Variants in TECR observed in about 807,000 individuals in gnomAD.
TECR encodes trans-2,3-enoyl-CoA reductase, also known as very-long-chain enoyl-CoA reductase.
TECR carries 19 observed loss-of-function variants against 50.6 expected under a neutral mutation model. That is an observed-to-expected ratio of 0.38 (90% CI 0.26 to 0.55). The LOEUF is 0.55. TECR is among the 20% of genes least tolerant of loss of function. The pLI, the probability that TECR is intolerant of heterozygous loss-of-function variation, is 0.79. For missense variants in TECR, 313 were observed against 408.3 expected, an observed-to-expected ratio of 0.77 and a Z score of 2.01; for synonymous variants, 168 against 163.5, an observed-to-expected ratio of 1.03 and a Z score of -0.21.
intron 1 of TECR, among the ~76,000 whole-genome samples, chr19:14,551,712 G>C (rs931697883): frequency 2.0e-5 from 3 of 152,068 alleles, no homozygotes; most frequent in African/African-American, 7.2e-5. Context: ...CTGGCTGTGT[G>C]AGGCTGTGGG....
chr19:14,541,012 G>A (rs1356065585), intron 1 of TECR, among the ~76,000 whole-genome samples: 1 of 152,086 alleles, frequency 6.6e-6, no homozygotes, highest in Non-Finnish European at 1.5e-5. Context: ...TTTTAGTAGA[G>A]ACAGGGTTTC....
At chr19:14,528,470 C>T (rs2072487154), upstream of TECR, among the ~76,000 whole-genome samples, 1 of 151,056 alleles carries the variant, frequency 6.6e-6, no homozygotes, top group Non-Finnish European at 1.5e-5. Context: ...GAACTCCTCA[C>T]CTCGTGATCT....
intron 1 of TECR, among the ~76,000 whole-genome samples, chr19:14,537,947 T>C (rs2072962821): frequency 6.6e-6 from 1 of 152,134 alleles, no homozygotes; most frequent in Admixed American, 6.6e-5. Context: ...GGTTTCACCA[T>C]GTTGGCCAGG....
chr19:14,557,015 G>A (rs1272373385), intron 1 of TECR, among the ~76,000 whole-genome samples: 1 of 152,182 alleles, frequency 6.6e-6, no homozygotes, highest in Non-Finnish European at 1.5e-5. Context: ...GCCCCTTCAA[G>A]AGCATGGTCA....
In TECR at chr19:14,544,520, G is replaced by A. The variant is rs142652680; in HGVS notation, c.15+14809G>A. On this transcript the variant is annotated intron_variant, in intron 1 of 12. Transcript: ENST00000215567. ...TGCGGCCATTCTATGGGACTGGCAG[G>A]TCTGGCTTTGAGTGCGGGTCCTGAG... is the stretch of plus-strand genomic sequence containing the variant. Among the ~76,000 whole-genome samples, 492 of 152,210 alleles carry A rather than the reference G, an allele frequency of 3.2e-3. 2 individuals are homozygous for A. The highest frequency in any genetic ancestry group is 5.1e-3 in the Non-Finnish European group (347 of 68,002).
chr19:14,533,111 TA>T (rs920523727), intron 1 of TECR, among the ~76,000 whole-genome samples: 6 of 147,286 alleles, frequency 4.1e-5, no homozygotes, highest in African/African-American at 1.0e-4. Context: ...GACTCTGTTT[TA>T]AAAAAAATAA....
chr19:14,562,201 G>A, intron 1 of TECR: 5 of 600,122 alleles, frequency 8.3e-6, no homozygotes, highest in Non-Finnish European at 1.5e-5. Context: ...TGCCACTCGG[G>A]TTACATCTGG....
intron 1 of TECR, among the ~76,000 whole-genome samples, chr19:14,542,609 G>A (rs1225256659): frequency 6.6e-6 from 1 of 152,004 alleles, no homozygotes; most frequent in African/African-American, 2.4e-5. Flanking sequence ...TGATCTACAC[G>A]CTTTGGCCTC....
chr19:14,535,700 G>A (rs73519900), intron 1 of TECR, among the ~76,000 whole-genome samples: 29,735 of 133,990 alleles, frequency 0.22, 3,609 homozygotes, highest in South Asian at 0.42. Flanking sequence ...GGTCGCGGAC[G>A]AGCTGAGATC....
intron 1 of TECR, among the ~76,000 whole-genome samples, chr19:14,547,889 G>A (rs1162537331): frequency 6.7e-6 from 1 of 149,610 alleles, no homozygotes; most frequent in Non-Finnish European, 1.5e-5. Context: ...CTTGGGTCTT[G>A]GGTCTTGGAC....
chr19:14,538,543 T>C (rs900536635), intron 1 of TECR, among the ~76,000 whole-genome samples: 41 of 151,554 alleles, frequency 2.7e-4, no homozygotes, highest in African/African-American at 9.4e-4. Context: ...TTTCTTTTTT[T>C]TTTTTTTTGA....
rs1400554450 is a variant in TECR, at chr19:14,563,460, A to T, written c.119-198A>T. On this transcript the variant is annotated intron_variant, in intron 3 of 12. Coordinates refer to ENST00000215567, the MANE Select transcript of TECR (RefSeq NM_138501.6). The surrounding 1 kb of genome is among the most constrained non-coding windows in gnomAD (Gnocchi z 5.3). ...CTTGCTAGGCTCTGGGAAGGACAAG[A>T]TCCTGCTTCTGCCCGCGCTCTTCTG... The T allele has an allele frequency of 8.4e-6, 7 of 831,014 alleles. No homozygotes were observed. Among genetic ancestry groups the T allele is most frequent in the Non-Finnish European group, 1.2e-5 (6 of 515,336 alleles). 51.5% of individuals were successfully genotyped at this position (831,014 alleles called of 1,614,324 possible).
At chr19:14,564,731 C>A in intron 7 of TECR, 55 bp from the exon 8 acceptor site, 3 of 1,542,506 alleles carry the variant, frequency 1.9e-6, no homozygotes, top group Admixed American at 1.7e-5. Context: ...ACATGGGCAG[C>A]ATCTGCCTTG....
At chr19:14,553,440 G>A (rs1178414213) in intron 1 of TECR, among the ~76,000 whole-genome samples, 3 of 152,118 alleles carry the variant, frequency 2.0e-5, no homozygotes, top group African/African-American at 4.8e-5. Flanking sequence ...CCACTGTGGC[G>A]CCTCGGGGAG....
intron 1 of TECR, among the ~76,000 whole-genome samples, chr19:14,547,177 A>G (rs905113816): frequency 6.6e-6 from 1 of 152,146 alleles, no homozygotes; most frequent in Non-Finnish European, 1.5e-5. Flanking sequence ...GGATAATGGT[A>G]GGTTTCAAAT....
chr19:14,544,629 C>A (rs1273679484), intron 1 of TECR, among the ~76,000 whole-genome samples: 1 of 134,420 alleles, frequency 7.4e-6, no homozygotes, highest in Admixed American at 7.9e-5. Context: ...CGGTGTTTGG[C>A]CATTCCTTTT....
At chr19:14,551,949 CT>C (rs2146603994) in intron 1 of TECR, among the ~76,000 whole-genome samples, 1 of 28,644 alleles carries the variant, frequency 3.5e-5, no homozygotes, top group African/African-American at 2.0e-4. Flanking sequence ...CTCCCTCCCT[CT>C]CTCTCTCTCT....
chr19:14,530,514 G>C (rs2072598338), intron 1 of TECR: 1 of 152,174 alleles, frequency 6.6e-6, no homozygotes, highest in African/African-American at 2.4e-5. Context: ...TAACAATTTA[G>C]CAAGTGCTTA....
At chr19:14,538,536 CTTT>C (rs5827232) in intron 1 of TECR, among the ~76,000 whole-genome samples, 37 of 136,720 alleles carry the variant, frequency 2.7e-4, no homozygotes, top group Admixed American at 2.9e-4. Flanking sequence ...TCTTTTTTTT[CTTT>C]TTTTTTTTTT....
Sources: gnomAD v4.1 joint callset for allele counts (sites outside exome capture counted in the v4.1 genomes callset) on GRCh38, gnomAD v4.1.1 for gene constraint, Gnocchi (gnomAD v3.1) non-coding constraint, MANE v1.5 for transcripts, NCBI Gene and HGNC (gene_info 2026-07-23, HGNC 2026-07-21) for gene names.